Variants in CDH13 observed in about 807,000 individuals in gnomAD.
The protein encoded by CDH13 is cadherin-13.
In CDH13, 24 loss-of-function variants were observed where a neutral mutation model predicts 63.8. The ratio of observed to expected loss-of-function variants is 0.38; its 90% CI spans 0.27 to 0.53. The LOEUF (loss-of-function observed/expected upper bound fraction) is 0.53, where lower values mean the gene tolerates loss of function less well. Among genes scored for constraint, CDH13 ranks in the 20% least tolerant of loss-of-function variants. The pLI is 0.85. For synonymous variants in CDH13, 503 were observed against 355.3 expected (o/e 1.42, Z -4.67); for missense variants, 1,049 against 903.1 (o/e 1.16, Z -2.07).
At chr16:82,682,761 T>G (rs2150963077) in intron 1 of CDH13, among the ~76,000 whole-genome samples, 1 of 152,312 alleles carries the variant, frequency 6.6e-6, no homozygotes, top group South Asian at 2.1e-4. Flanking sequence ...TGCTTGCTTC[T>G]GAGAAAAATA....
chr16:82,634,465 C>T (rs1908406183), intron 1 of CDH13, among the ~76,000 whole-genome samples: 1 of 152,194 alleles, frequency 6.6e-6, no homozygotes, highest in Admixed American at 6.5e-5. Flanking sequence ...CCGGAGTATC[C>T]CTCCTCAACT....
chr16:82,845,560 C>T (rs1311882603), intron 1 of CDH13, among the ~76,000 whole-genome samples: 1 of 152,148 alleles, frequency 6.6e-6, no homozygotes, highest in African/African-American at 2.4e-5. Flanking sequence ...TTACTGTTTC[C>T]CATCTTTTGT....
chr16:83,427,456 C>G (rs567112138), intron 6 of CDH13, among the ~76,000 whole-genome samples: 1 of 152,254 alleles, frequency 6.6e-6, no homozygotes, highest in South Asian at 2.1e-4. Flanking sequence ...GAAACGAATT[C>G]TCTTCTGGAG....
At chr16:83,063,977 A>C (rs1239942900) in intron 3 of CDH13, among the ~76,000 whole-genome samples, 6 of 152,152 alleles carry the variant, frequency 3.9e-5, no homozygotes, top group Non-Finnish European at 8.8e-5. Flanking sequence ...AGTATGAAAA[A>C]TTTGTAAGAT....
chr16:83,268,897 T>C (rs1056210474), intron 5 of CDH13, among the ~76,000 whole-genome samples: 17 of 151,900 alleles, frequency 1.1e-4, no homozygotes, highest in African/African-American at 4.1e-4. Flanking sequence ...TCTTTAGCTC[T>C]CTGTTGTTAA....
At chr16:82,742,813 C>T (rs1260410291) in intron 1 of CDH13, among the ~76,000 whole-genome samples, 2 of 152,166 alleles carry the variant, frequency 1.3e-5, no homozygotes, top group Non-Finnish European at 2.9e-5. Flanking sequence ...CCATCATGTA[C>T]TGAGTAAAGC....
At chr16:83,587,487 T>C (rs190734288) in intron 7 of CDH13, among the ~76,000 whole-genome samples, 70 of 152,278 alleles carry the variant, frequency 4.6e-4, no homozygotes, top group Admixed American at 1.4e-3. Context: ...AGTATGTAAC[T>C]GTGTGGAGCC....
intron 7 of CDH13, among the ~76,000 whole-genome samples, chr16:83,489,549 G>A (rs2073963066): frequency 6.6e-6 from 1 of 152,180 alleles, no homozygotes; most frequent in South Asian, 2.1e-4. Context: ...TTGCTGAGGA[G>A]GTGGAACGTG....
chr16:82,881,133 G>A (rs562556625), intron 2 of CDH13, among the ~76,000 whole-genome samples: 1 of 152,242 alleles, frequency 6.6e-6, no homozygotes, highest in African/African-American at 2.4e-5. Flanking sequence ...TATGGAAAAG[G>A]CATATAGCAA....
chr16:83,721,245 G>T (rs1168903201), intron 10 of CDH13: 1 of 152,202 alleles, frequency 6.6e-6, no homozygotes, highest in Non-Finnish European at 1.5e-5. Context: ...GTGACACACT[G>T]CCTGTGTCCT....
intron 2 of CDH13, among the ~76,000 whole-genome samples, chr16:82,903,087 G>A (rs2041523578): frequency 6.6e-6 from 1 of 152,218 alleles, no homozygotes; most frequent in African/African-American, 2.4e-5. Flanking sequence ...AAGACAAGAT[G>A]ACCAAGATTC....
At chr16:83,512,181 C>T (rs930087482) in intron 7 of CDH13, among the ~76,000 whole-genome samples, 1 of 150,982 alleles carries the variant, frequency 6.6e-6, no homozygotes, top group South Asian at 2.1e-4. Context: ...ATTAGCCAGA[C>T]ATGGTGGCGG....
At chr16:83,726,378 C>CGTTT (rs200863344) in intron 10 of CDH13, 1 of 151,884 alleles carries the variant, frequency 6.6e-6, no homozygotes, top group African/African-American at 2.4e-5. Context: ...TCCATTCATT[C>CGTTT]ATTCATTTAT....
chr16:82,912,145 C>A (rs769164012), intron 2 of CDH13, among the ~76,000 whole-genome samples: 36 of 152,104 alleles, frequency 2.4e-4, no homozygotes, highest in Middle Eastern at 3.2e-3. Flanking sequence ...TCCTCTTCTC[C>A]CCTTAATCTC....
chr16:82,686,638 C>G (rs1915099948), intron 1 of CDH13, among the ~76,000 whole-genome samples: 2 of 152,198 alleles, frequency 1.3e-5, no homozygotes, highest in Admixed American at 6.5e-5. Context: ...TTCCTTTCCT[C>G]AATGATTATT....
At chr16:83,076,766 A>T (rs2032871837) in intron 3 of CDH13, among the ~76,000 whole-genome samples, 1 of 152,162 alleles carries the variant, frequency 6.6e-6, no homozygotes, top group South Asian at 2.1e-4. Context: ...TTAGAATTCA[A>T]TATTTGCTTT....
rs1904278733 is a variant in CDH13 at position 83,795,932 on chromosome 16, T to G, written c.*902T>G. On this transcript the variant is annotated 3_prime_UTR_variant, in exon 14 of 14. Transcript: ENST00000567109. The stretch of plus-strand genomic sequence containing the variant: ...ACAACTGCACCTGTCATCATGGAGG[T>G]CATACATGCATACAAAGAGGTGTAC... 1 of 152,556 alleles carries G rather than the reference T, an allele frequency of 6.6e-6. No homozygotes were observed. Among genetic ancestry groups the G allele is most frequent in the African/African-American group, 2.4e-5 (1 of 41,422 alleles). The allele number at this position is 152,556 out of a possible 1,614,324, so 9.5% of individuals were successfully genotyped here.
At chr16:83,624,492 C>A (rs905834054) in intron 8 of CDH13, among the ~76,000 whole-genome samples, 2 of 152,124 alleles carry the variant, frequency 1.3e-5, no homozygotes, top group African/African-American at 4.8e-5. Context: ...CAGTTAGATT[C>A]TCTTAAGAAA....
At chr16:83,197,818 TCACA>T (rs58704316) in intron 4 of CDH13, among the ~76,000 whole-genome samples, 1,725 of 148,732 alleles carry the variant, frequency 0.012, 27 homozygotes, top group African/African-American at 0.037. Flanking sequence ...TCTGACACAT[TCACA>T]CACACACACA....
Sources: gnomAD v4.1 joint callset for allele counts (sites outside exome capture counted in the v4.1 genomes callset) on GRCh38, gnomAD v4.1.1 for gene constraint, MANE v1.5 for transcripts, NCBI Gene and HGNC (gene_info 2026-07-23, HGNC 2026-07-21) for gene names.